C5AR2: variants seen among roughly 807,000 people sequenced by gnomAD.
The protein encoded by C5AR2 is complement C5a receptor 2, also known as C5a anaphylatoxin chemotactic receptor 2.
For synonymous variants in C5AR2, 224 were observed against 216.5 expected (o/e 1.03, Z -0.30); for missense variants, 458 against 467.5 (o/e 0.98, Z 0.19).
rs768761019 is a variant in C5AR2 at position 47,335,771 on chromosome 19, C to CAA, written c.-16+3452_-16+3453dup. On this transcript the variant is annotated intron_variant, in intron 1 of 1. Coordinates refer to ENST00000595464, the MANE Select transcript of C5AR2 (RefSeq NM_001271749.2). ...TGGGCGACAGAGTGATACTCCGTCT[C>CAA]AAAAAAAAAAAAAAAAAAAAAAAAA... Among the ~76,000 whole-genome samples the CAA allele has an allele frequency of 2.3e-3, 53 of 23,034 alleles. 21 individuals are homozygous for CAA. The highest frequency in any genetic ancestry group is 7.8e-3 in the East Asian group (5 of 642). The allele number at this position is 23,034 out of a possible 152,430, so 15.1% of individuals were successfully genotyped here.
rs1198372532 is a variant in C5AR2 at position 47,343,141 on chromosome 19, C to T, written c.*1328C>T. On this transcript the variant is annotated 3_prime_UTR_variant, in exon 2 of 2. Transcript: ENST00000595464. ...CCTTTTAAGAGGGAGGCAGGAGGGT[C>T]AGGGTCAGTCACAGGAGGTGACAAC... The T allele has an allele frequency of 6.6e-6, 1 of 152,034 alleles. No homozygotes were observed. Among genetic ancestry groups the T allele is most frequent in the Non-Finnish European group, 1.5e-5 (1 of 68,016 alleles). 9.4% of individuals were successfully genotyped at this position (152,034 alleles called of 1,614,324 possible). A position where few individuals can be genotyped will look rare whatever the true frequency, so the allele number is the denominator to read the frequency against.
rs1468503381 is a variant in C5AR2, at chr19:47,341,400, A to G, written c.601A>G (p.Thr201Ala). 3 of 1,612,288 alleles carry G rather than the reference A, an allele frequency of 1.9e-6. No individual in the cohort carries two copies. The Admixed American group carries it at 5.0e-5, about 27-fold the overall frequency. Residue 201 changes from threonine (T) to alanine (A), a missense_variant, in exon 2 of 2, where the codon ACT (threonine) becomes GCT (alanine). Coordinates refer to ENST00000595464, the MANE Select transcript of C5AR2 (RefSeq NM_001271749.2). The surrounding 1 kb of genome is among the most constrained non-coding windows in gnomAD (Gnocchi z 4.6). Reference sequence around the variant, plus strand: ...CTCCTCCAGCACCGAGAATGCGGTGACTGCCATCCGGTTTCTTTTTGGCTT... The same window carrying G: ...CTCCTCCAGCACCGAGAATGCGGTGGCTGCCATCCGGTTTCTTTTTGGCTT... Reference protein sequence around the residue: ...GGSSSTENAVTAIRFLFGFLG... With the variant: ...GGSSSTENAVAAIRFLFGFLG...
chr19:47,333,846 C>T (rs959823934), intron 1 of C5AR2, among the ~76,000 whole-genome samples: 1 of 152,052 alleles, frequency 6.6e-6, no homozygotes, highest in African/African-American at 2.4e-5. Flanking sequence ...CCCAAAGTGC[C>T]GGGGATTACA....
intron 1 of C5AR2, among the ~76,000 whole-genome samples, chr19:47,336,049 C>T (rs2059356382): frequency 2.0e-5 from 3 of 151,974 alleles, no homozygotes; most frequent in South Asian, 4.2e-4. Context: ...TGCCCAAGGC[C>T]ACACAGCTGG....
At chr19:47,340,101 C>T (rs1010070485) in intron 1 of C5AR2, among the ~76,000 whole-genome samples, 5 of 151,790 alleles carry the variant, frequency 3.3e-5, no homozygotes, top group East Asian at 2.0e-4. Flanking sequence ...ATCACAGGCA[C>T]GCATGACCAT....
chr19:47,346,515 C>G lies in C5AR2; in HGVS notation c.*4702C>G, dbSNP rs1357681519. On this transcript the variant is annotated 3_prime_UTR_variant, in exon 2 of 2. Transcript: ENST00000595464. The stretch of plus-strand genomic sequence containing the variant: ...GGTCAGGAGATCAAGACCATCCTGG[C>G]TAACATAGTGAAACCCTGTCTCTAC... 4 of 152,000 alleles carry G rather than the reference C, an allele frequency of 2.6e-5. No individual in the cohort carries two copies. The allele number at this position is 152,000 out of a possible 1,614,324, so 9.4% of individuals were successfully genotyped here. A position where few individuals can be genotyped will look rare whatever the true frequency, so the allele number is the denominator to read the frequency against.
chr19:47,333,983 A>G (rs2059348493), intron 1 of C5AR2, among the ~76,000 whole-genome samples: 1 of 152,116 alleles, frequency 6.6e-6, no homozygotes. Context: ...GGTGCTTGCA[A>G]TCACAACAAA....
chr19:47,340,515 T>G (rs574982595), intron 1 of C5AR2, among the ~76,000 whole-genome samples: 1 of 151,980 alleles, frequency 6.6e-6, no homozygotes, highest in Admixed American at 6.6e-5. Flanking sequence ...AATTTTTGTA[T>G]TTTTAGTAGA....
chr19:47,341,296 C>T lies in C5AR2; in HGVS notation c.497C>T (p.Thr166Ile). The change falls in exon 2 of 2, where the codon ACC (threonine) becomes ATC (isoleucine). Residue 166 changes from threonine to isoleucine, a missense_variant. Thr to Ile is a moderately conservative substitution (Grantham distance 89). Coordinates refer to ENST00000595464, the MANE Select transcript of C5AR2 (RefSeq NM_001271749.2). The surrounding 1 kb of genome is among the most constrained non-coding windows in gnomAD (Gnocchi z 4.6). ...GAAWTLALLLTVPSAIYRRLH... is the reference protein window; with the variant it reads ...GAAWTLALLLIVPSAIYRRLH... Reference sequence around the variant, plus strand: ...GCCTGGACACTGGCCTTGCTGCTCACCGTGCCCTCCGCCATCTACCGCCGG... The same window carrying T: ...GCCTGGACACTGGCCTTGCTGCTCATCGTGCCCTCCGCCATCTACCGCCGG... 6.2e-7 allele frequency: 1 copy of T among 1,608,256 alleles called. No individual in the cohort carries two copies. The highest frequency in any genetic ancestry group is 8.5e-7 in the Non-Finnish European group (1 of 1,179,892).
chr19:47,340,466 A>G (rs1208163117), intron 1 of C5AR2, among the ~76,000 whole-genome samples: 1 of 151,602 alleles, frequency 6.6e-6, no homozygotes, highest in African/African-American at 2.4e-5. Context: ...CAGCCTCCCA[A>G]GTAGCTGGGA....
chr19:47,336,606 C>T (rs1024790957), intron 1 of C5AR2, among the ~76,000 whole-genome samples: 7 of 151,908 alleles, frequency 4.6e-5, no homozygotes, highest in Non-Finnish European at 2.9e-5. Flanking sequence ...CTCCTGGGCT[C>T]ATGTGATCTT....
Position 47,342,146 on chromosome 19 carries a change from G to A in C5AR2, c.*333G>A. 4.3e-6 allele frequency: 1 copy of A among 235,018 alleles called. No homozygotes were observed. The highest frequency in any genetic ancestry group is 8.6e-6 in the Non-Finnish European group (1 of 116,854). The allele number at this position is 235,018 out of a possible 1,614,324, so 14.6% of individuals were successfully genotyped here. A position where few individuals can be genotyped will look rare whatever the true frequency, so the allele number is the denominator to read the frequency against. On this transcript the variant is annotated 3_prime_UTR_variant, in exon 2 of 2. Coordinates refer to ENST00000595464, the MANE Select transcript of C5AR2 (RefSeq NM_001271749.2). ...GAGGCAGGTAGATCACTTGAGGTCA[G>A]GACTTCAAGACCAGCCTAGCCAATA...
chr19:47,340,473 G>T (rs1017898377), intron 1 of C5AR2, among the ~76,000 whole-genome samples: 1 of 151,518 alleles, frequency 6.6e-6, no homozygotes, highest in South Asian at 2.1e-4. Flanking sequence ...CCAAGTAGCT[G>T]GGATTACAGG....
At chr19:47,340,521 G>A (rs984041892) in intron 1 of C5AR2, among the ~76,000 whole-genome samples, 1 of 151,834 alleles carries the variant, frequency 6.6e-6, no homozygotes, top group African/African-American at 2.4e-5. Flanking sequence ...TGTATTTTTA[G>A]TAGAGACGGT....
rs1299734252 is a variant in C5AR2, at chr19:47,338,460, AAG to A, written c.-15-2324_-15-2323del. Among the ~76,000 whole-genome samples the A allele has an allele frequency of 1.1e-3, 162 of 150,044 alleles. 1 individual carries two copies. Among genetic ancestry groups the A allele is most frequent in the African/African-American group, 3.4e-3 (139 of 40,998 alleles). ...ATATCTGTCCCTAAAAAAAAAAAAA[AAG>A]TTGACACAAAACACAAAATGTTCAA... On this transcript the variant is annotated intron_variant, in intron 1 of 1. Transcript: ENST00000595464.
At chr19:47,337,768 G>GTTA (rs1324818782) in intron 1 of C5AR2, among the ~76,000 whole-genome samples, 2 of 151,640 alleles carry the variant, frequency 1.3e-5, no homozygotes, top group East Asian at 3.9e-4. Context: ...AATTCAGACA[G>GTTA]TTATTATAAG....
rs115216760 is a variant in C5AR2 at position 47,340,850 on chromosome 19, G to A, written c.51G>A (p.Ser17=). 1.1e-3 allele frequency: 1,792 copies of A among 1,613,568 alleles called. 25 individuals carry two copies. The African/African-American group carries it at 0.019, about 17-fold the overall frequency. The change falls in exon 2 of 2, where the codon TCG becomes TCA. Residue 17 remains serine, a synonymous_variant. Coordinates refer to ENST00000595464, the MANE Select transcript of C5AR2 (RefSeq NM_001271749.2). ...SYEYGDYSDL[S]DRPVDCLDGA... Reference sequence around the variant, plus strand: ...AGTATGGGGATTACAGCGACCTCTCGGACCGCCCTGTGGACTGCCTGGATG... The same window carrying A: ...AGTATGGGGATTACAGCGACCTCTCAGACCGCCCTGTGGACTGCCTGGATG...
rs1969091741 is a variant in C5AR2 at position 47,344,564 on chromosome 19, C to T, written c.*2751C>T. On this transcript the variant is annotated 3_prime_UTR_variant, in exon 2 of 2. Transcript: ENST00000595464. ...AACACCAGACAGCTGGAATTTGATC[C>T]CAGTTTTGACTCCAATGCTCTTGCT... is the stretch of plus-strand genomic sequence containing the variant. 1 of 151,972 alleles carries T rather than the reference C, an allele frequency of 6.6e-6. No individual in the cohort carries two copies. Among genetic ancestry groups the T allele is most frequent in the Non-Finnish European group, 1.5e-5 (1 of 67,994 alleles). 9.4% of individuals were successfully genotyped at this position (151,972 alleles called of 1,614,324 possible). A position where few individuals can be genotyped will look rare whatever the true frequency, so the allele number is the denominator to read the frequency against.
intron 1 of C5AR2, among the ~76,000 whole-genome samples, chr19:47,340,138 G>A (rs189586328): frequency 2.6e-5 from 4 of 151,596 alleles, no homozygotes; most frequent in Admixed American, 1.3e-4. Flanking sequence ...AAAAATTTTC[G>A]TAGAGATGGG....
Sources: gnomAD v4.1 joint callset for allele counts (sites outside exome capture counted in the v4.1 genomes callset) on GRCh38, gnomAD v4.1.1 for gene constraint, Gnocchi (gnomAD v3.1) non-coding constraint, MANE v1.5 for transcripts, NCBI Gene and HGNC (gene_info 2026-07-23, HGNC 2026-07-21) for gene names.